The following CEL variants were observed in gnomAD, a reference collection of about 807,000 sequenced individuals.
The protein encoded by CEL is carboxyl ester lipase.
Under a neutral mutation model 57.1 loss-of-function variants are expected in CEL, and 39 were observed. That is an observed-to-expected ratio of 0.68 (90% CI 0.53 to 0.89). The LOEUF (loss-of-function observed/expected upper bound fraction) is 0.89, where lower values mean the gene tolerates loss of function less well. Ranked by LOEUF, CEL falls within the 40% of genes least tolerant of loss-of-function variation. The probability of loss-of-function intolerance (pLI) is 0.00; values close to 1 mark genes in which losing one functional copy is unlikely to be tolerated. For synonymous variants in CEL, 314 were observed against 396.6 expected (o/e 0.79, Z 2.48); for missense variants, 698 against 915.0 (o/e 0.76, Z 3.06).
Position 133,066,956 on chromosome 9 carries a change from G to A in CEL, c.777+11G>A, listed in dbSNP as rs771869344. 1.9e-6 allele frequency: 3 copies of A among 1,557,164 alleles called. No individual in the cohort carries two copies. On this transcript the variant is annotated intron_variant, in intron 6 of 10. Transcript: ENST00000372080. The surrounding 1 kb of genome is among the most constrained non-coding windows in gnomAD (Gnocchi z 4.3). ...TTCTGGGCCAAAAAGGTAAACGGAG[G>A]AGGGCAGGGCTGGGCGGGGTGGGGG...
At position 133,066,778 on chromosome 9, in the gene CEL, C is replaced by T. The variant is rs1564211575; in HGVS notation, c.670-60C>T. 5.0e-6 allele frequency: 8 copies of T among 1,607,472 alleles called. No individual in the cohort carries two copies. The highest frequency in any genetic ancestry group is 4.5e-5 in the East Asian group (2 of 44,806). On this transcript the variant is annotated intron_variant, in intron 5 of 10. Transcript: ENST00000372080. The surrounding 1 kb of genome is among the most constrained non-coding windows in gnomAD (Gnocchi z 4.3). ...GCTGTGGTGCTGGGGTGTCCTTGTC[C>T]CAGCGTGGGGTGGGCAGAGTGGGGA... is the stretch of plus-strand genomic sequence containing the variant.
In CEL at chr9:133,064,473, T is replaced by A. The variant is rs1475519710; in HGVS notation, c.136T>A (p.Ser46Thr). ...VNKKLGLLGD[S>T]VDIFKGIPFA... is the part of the protein sequence containing the mutation. ...TAAGAAGCTCGGCCTCCTGGGTGACTCTGTGGACATCTTCAAGGGCATCCC... is the reference window on the plus strand; with the variant it reads ...TAAGAAGCTCGGCCTCCTGGGTGACACTGTGGACATCTTCAAGGGCATCCC... Residue 46 changes from serine (S) to threonine (T), a missense_variant, in exon 2 of 11, where the codon TCT (serine) becomes ACT (threonine). Transcript: ENST00000372080. 2.0e-5 allele frequency: 32 copies of A among 1,614,040 alleles called. No homozygotes were observed. Among genetic ancestry groups the A allele is most frequent in the Non-Finnish European group, 2.6e-5 (31 of 1,180,028 alleles).
At chr9:133,065,845 TC>T (rs1163961165) in intron 4 of CEL, among the ~76,000 whole-genome samples, 4 of 59,966 alleles carry the variant, frequency 6.7e-5, no homozygotes, top group African/African-American at 2.5e-4. Context: ...AAACTCTGTC[TC>T]AAAAAAAAAA....
chr9:133,067,003 A>G (rs1830188875), intron 6 of CEL, 58 bp downstream of exon 6: 2 of 1,605,424 alleles, frequency 1.2e-6, no homozygotes, highest in Non-Finnish European at 1.7e-6. Context: ...TCCGTTCTTT[A>G]TCCTGGACCC....
rs770883418 is a variant in CEL, at chr9:133,064,513, C to T, written c.176C>T (p.Thr59Ile). 1.2e-6 allele frequency: 2 copies of T among 1,614,078 alleles called. No individual in the cohort carries two copies. Among genetic ancestry groups the T allele is most frequent in the Admixed American group, 1.7e-5 (1 of 60,004 alleles). ...IFKGIPFAAP[T>I]KALENPQPHP... ...AAGGGCATCCCCTTCGCAGCTCCCACCAAGGCCCTGGAAAATCCTCAGCCA... is the reference window on the plus strand; with the variant it reads ...AAGGGCATCCCCTTCGCAGCTCCCATCAAGGCCCTGGAAAATCCTCAGCCA... Residue 59 changes from threonine to isoleucine, a missense_variant, in exon 2 of 11, where the codon ACC (threonine) becomes ATC (isoleucine). Physicochemically the swap from Thr to Ile is moderately conservative, Grantham distance 89. Around this residue, in one of 6 missense-constraint regions of CEL, gnomAD observed 327 missense variants for 374.1 expected, o/e 0.87. Coordinates refer to ENST00000372080, the MANE Select transcript of CEL (RefSeq NM_001807.6).
chr9:133,070,597 C>T lies in CEL; in HGVS notation c.1423C>T (p.Pro475Ser). The change falls in exon 10 of 11, where the codon CCC becomes TCC. Residue 475 changes from proline to serine, a missense_variant. By Grantham distance (74) the Pro-to-Ser change is moderately conservative. This residue lies in a region of CEL where 111 missense variants were observed against 147.3 expected (regional missense o/e 0.75). Coordinates refer to ENST00000372080, the MANE Select transcript of CEL (RefSeq NM_001807.6). ...CTTCGCCACCCCCACGGGCTACCGG[C>T]CCCAAGACAGGACAGTCTCTAAGGC... ...KPFATPTGYR[P>S]QDRTVSKAMI... The T allele has an allele frequency of 6.2e-7, 1 of 1,614,136 alleles. No individual in the cohort carries two copies. The highest frequency in any genetic ancestry group is 1.3e-5 in the African/African-American group (1 of 75,022).
At chr9:133,065,932 C>G (rs1440379905) in intron 4 of CEL, among the ~76,000 whole-genome samples, 1 of 151,522 alleles carries the variant, frequency 6.6e-6, no homozygotes, top group Non-Finnish European at 1.5e-5. Flanking sequence ...GTGGAAGGAT[C>G]GCTTGAGCCC....
chr9:133,065,706 C>T (rs1402554854), intron 4 of CEL, among the ~76,000 whole-genome samples: 1 of 151,966 alleles, frequency 6.6e-6, no homozygotes, highest in Admixed American at 6.6e-5. Context: ...ATTAGCCAGG[C>T]GTGGTGGCGC....
chr9:133,063,687 G>C (rs1291849383), intron 1 of CEL, among the ~76,000 whole-genome samples: 1 of 152,228 alleles, frequency 6.6e-6, no homozygotes, highest in Non-Finnish European at 1.5e-5. Flanking sequence ...GTTCCGTCAG[G>C]GACAGAGGGT....
In CEL at chr9:133,071,615, C is replaced by T. The variant is rs771342213; in HGVS notation, c.2113C>T (p.Pro705Ser). ...TGDSGAPPVTPTGDSETAPVP... is the reference protein window; with the variant it reads ...TGDSGAPPVTSTGDSETAPVP... ...TGACTCCGGGGCCCCCCCCGTGACC[C>T]CCACGGGTGACTCCGAGACCGCCCC... is the stretch of plus-strand genomic sequence containing the variant. Residue 705 changes from proline to serine, a missense_variant, in exon 11 of 11, where the codon CCC becomes TCC. Coordinates refer to ENST00000372080, the MANE Select transcript of CEL (RefSeq NM_001807.6). 3.4e-6 allele frequency: 5 copies of T among 1,462,046 alleles called. No individual in the cohort carries two copies. The highest frequency in any genetic ancestry group is 2.4e-5 in the East Asian group (1 of 41,570). The allele number at this position is 1,462,046 out of a possible 1,614,324, so 90.6% of individuals were successfully genotyped here.
At chr9:133,064,915 G>C (rs1395411119) in intron 3 of CEL, 125 bp from the exon 4 acceptor site, 3 of 1,529,980 alleles carry the variant, frequency 2.0e-6, no homozygotes, top group Middle Eastern at 4.4e-4. Context: ...CCAGCCTGGG[G>C]CAGGGCAGCG....
In CEL at chr9:133,071,508, C is replaced by G. The variant is rs930881292; in HGVS notation, c.2006C>G (p.Pro669Arg). Residue 669 changes from proline to arginine, a missense_variant, in exon 11 of 11, where the codon CCC (proline) becomes CGC (arginine). This residue lies in a region of CEL where 238 missense variants were observed against 213.7 expected (regional missense o/e 1.11). Transcript: ENST00000372080. Reference protein sequence around the residue: ...VPPTGDSGAPPVPPTGDAGPP... With the variant: ...VPPTGDSGAPRVPPTGDAGPP... ...CCCACGGGTGACTCCGGCGCCCCCC[C>G]CGTGCCGCCCACGGGTGACGCCGGG... The G allele has an allele frequency of 2.7e-6, 2 of 754,416 alleles. No homozygotes were observed. The highest frequency in any genetic ancestry group is 3.6e-6 in the Non-Finnish European group (2 of 553,060). The allele number at this position is 754,416 out of a possible 1,614,324, so 46.7% of individuals were successfully genotyped here.
chr9:133,067,513 C>G (rs979910269), intron 7 of CEL, among the ~76,000 whole-genome samples: 2 of 152,182 alleles, frequency 1.3e-5, no homozygotes, highest in African/African-American at 4.8e-5. Flanking sequence ...GCTGGGACTA[C>G]AGGCACATGC....
chr9:133,063,396 C>G (rs1284234245), intron 1 of CEL, among the ~76,000 whole-genome samples: 1 of 152,192 alleles, frequency 6.6e-6, no homozygotes, highest in Admixed American at 6.5e-5. Flanking sequence ...TTCCTTTCCT[C>G]CAGTTCCAAC....
chr9:133,067,594 C>T (rs1050315601), intron 7 of CEL, among the ~76,000 whole-genome samples: 17 of 152,136 alleles, frequency 1.1e-4, no homozygotes, highest in African/African-American at 2.9e-4. Context: ...AGGATGATCT[C>T]GGTCTTGGGA....
rs1446686249 is a variant in CEL, at chr9:133,070,355, C to T, written c.1287-106C>T. On this transcript the variant is annotated intron_variant, in intron 9 of 10. Transcript: ENST00000372080. Reference sequence around the variant, plus strand: ...GCCCCATCTCTTCATGTGAATTCCCCAGACACTTCCCTGCCCACTGCCCGG... The same window carrying T: ...GCCCCATCTCTTCATGTGAATTCCCTAGACACTTCCCTGCCCACTGCCCGG... 6 of 921,884 alleles carry T rather than the reference C, an allele frequency of 6.5e-6. No individual in the cohort carries two copies. The African/African-American group carries it at 1.0e-4, about 16-fold the overall frequency. 57.1% of individuals were successfully genotyped at this position (921,884 alleles called of 1,614,324 possible).
At position 133,066,609 on chromosome 9, in the gene CEL, C is replaced by A. The variant is rs1830181214; in HGVS notation, c.618C>A (p.Asn206Lys). The A allele has an allele frequency of 6.2e-7, 1 of 1,613,798 alleles. No individual in the cohort carries two copies. Among genetic ancestry groups the A allele is most frequent in the Non-Finnish European group, 8.5e-7 (1 of 1,180,024 alleles). The change falls in exon 5 of 11, where the codon AAC becomes AAA. Residue 206 changes from asparagine to lysine, a missense_variant. By Grantham distance (94) the Asn-to-Lys change is moderately conservative. Coordinates refer to ENST00000372080, the MANE Select transcript of CEL (RefSeq NM_001807.6). The surrounding 1 kb of genome is among the most constrained non-coding windows in gnomAD (Gnocchi z 4.3). Reference protein sequence around the residue: ...RNIAAFGGDPNNITLFGESAG... With the variant: ...RNIAAFGGDPKNITLFGESAG... ...TCGCGGCCTTCGGGGGGGACCCCAACAACATCACGCTCTTCGGGGAGTCTG... is the reference window on the plus strand; with the variant it reads ...TCGCGGCCTTCGGGGGGGACCCCAAAAACATCACGCTCTTCGGGGAGTCTG...
At chr9:133,062,778 G>A (rs1490497079) in intron 1 of CEL, among the ~76,000 whole-genome samples, 60 of 151,500 alleles carry the variant, frequency 4.0e-4, no homozygotes, top group Non-Finnish European at 7.5e-4. Context: ...GCAGGCAGAC[G>A]GGTGGAGAGA....
At chr9:133,064,279 G>A in intron 1 of CEL, 125 bp from the exon 2 acceptor site, 2 of 1,302,716 alleles carry the variant, frequency 1.5e-6, no homozygotes, top group East Asian at 2.4e-5. Flanking sequence ...GGTCTCCTGT[G>A]CAGAGCTGTC....
Sources: allele counts gnomAD v4.1 joint callset (sites outside exome capture counted in the v4.1 genomes callset), GRCh38; gene constraint gnomAD v4.1.1; regional missense constraint gnomAD v4.1.1; non-coding constraint Gnocchi (gnomAD v3.1); transcripts MANE v1.5; gene names NCBI Gene and HGNC (gene_info 2026-07-23, HGNC 2026-07-21).